Variants in GTF2A1L observed in about 807,000 individuals in gnomAD.
GTF2A1L encodes the protein TFIIA-alpha and beta-like factor.
A neutral mutation model predicts 49.7 loss-of-function variants in GTF2A1L; 48 were observed. That is an observed-to-expected ratio of 0.97 (90% CI 0.77 to 1.23). The LOEUF (loss-of-function observed/expected upper bound fraction) is 1.23. GTF2A1L is among the 50% of genes most tolerant of loss of function. The pLI is 0.00. For synonymous variants in GTF2A1L, 246 were observed against 193.5 expected, an observed-to-expected ratio of 1.27 and a Z score of -2.25; for missense variants, 736 against 564.8, an observed-to-expected ratio of 1.30 and a Z score of -3.07.
rs116921968 is a variant in GTF2A1L at position 48,637,574 on chromosome 2, C to A, written c.248-4828C>A. On this transcript the variant is annotated intron_variant, in intron 3 of 8. Transcript: ENST00000403751. ...ATCACAATTGAAAGAATCAGAGAAG[C>A]AAGAACACTTCAGCCCCAAAGCTAG... is the stretch of plus-strand genomic sequence containing the variant. 8.6e-5 allele frequency among the ~76,000 whole-genome samples: 13 copies of A among 151,870 alleles called. No individual in the cohort carries two copies. The East Asian group carries it at 2.5e-3, about 29-fold the overall frequency.
chr2:48,646,086 A>G (rs1677487989), intron 5 of GTF2A1L, among the ~76,000 whole-genome samples: 2 of 152,050 alleles, frequency 1.3e-5, no homozygotes, highest in Admixed American at 6.5e-5. Flanking sequence ...TATATTTTAC[A>G]TGATTATGTT....
At chr2:48,671,793 G>T in intron 8 of GTF2A1L, 113 bp downstream of exon 8, 1 of 1,038,640 alleles carries the variant, frequency 9.6e-7, no homozygotes, top group South Asian at 2.0e-5. Flanking sequence ...AATCAAAACA[G>T]CAGTTTAATT....
At position 48,646,890 on chromosome 2, in the gene GTF2A1L, G is replaced by A. The variant is rs368196959; in HGVS notation, c.826G>A (p.Asp276Asn). 1.2e-6 allele frequency: 2 copies of A among 1,614,080 alleles called. No individual in the cohort carries two copies. Among genetic ancestry groups the A allele is most frequent in the South Asian group, 1.1e-5 (1 of 91,086 alleles). The change falls in exon 6 of 9, where the codon GAT (aspartate) becomes AAT (asparagine). Residue 276 changes from aspartate to asparagine, a missense_variant. Physicochemically the swap from Asp to Asn is conservative, Grantham distance 23. Transcript: ENST00000403751. The stretch of plus-strand genomic sequence containing the variant: ...AGCTAGCATGGCTCAAAATCTGCAT[G>A]ATGAGTCCCTCTCCACAAGCCCTCA... ...GSASMAQNLH[D>N]ESLSTSPHGA...
At chr2:48,652,514 C>G (rs1305019811) in intron 6 of GTF2A1L, among the ~76,000 whole-genome samples, 1 of 151,016 alleles carries the variant, frequency 6.6e-6, no homozygotes, top group African/African-American at 2.4e-5. Flanking sequence ...TACTCGGGAT[C>G]TGAGGCAAGA....
intron 6 of GTF2A1L, among the ~76,000 whole-genome samples, chr2:48,661,387 G>A (rs963291287): frequency 1.3e-5 from 2 of 150,004 alleles, no homozygotes; most frequent in South Asian, 2.1e-4. Context: ...CTGAGTAGCC[G>A]GGATTATAGG....
Sources: gnomAD v4.1 joint callset for allele counts (sites outside exome capture counted in the v4.1 genomes callset) on GRCh38, gnomAD v4.1.1 for gene constraint, MANE v1.5 for transcripts, NCBI Gene and HGNC (gene_info 2026-07-23, HGNC 2026-07-21) for gene names.